Variants in RAP1GAP2 observed in about 807,000 individuals in gnomAD.
RAP1GAP2 encodes the protein RAP1 GTPase activating protein 2.
A neutral mutation model predicts 95.0 loss-of-function variants in RAP1GAP2; 27 were observed. The ratio of observed to expected loss-of-function variants is 0.28; its 90% CI spans 0.21 to 0.39. The LOEUF is 0.39. Among genes scored for constraint, RAP1GAP2 ranks in the 10% least tolerant of loss-of-function variants. RAP1GAP2 has a pLI of 1.00. For synonymous variants in RAP1GAP2, 373 were observed against 380.9 expected (o/e 0.98, Z 0.24); for missense variants, 771 against 970.0 (o/e 0.79, Z 2.72).
intron 4 of RAP1GAP2, among the ~76,000 whole-genome samples, chr17:2,960,574 G>A (rs1448415980): frequency 6.6e-6 from 1 of 152,204 alleles, no homozygotes; most frequent in African/African-American, 2.4e-5. Context: ...TACGTCACGC[G>A]CTTGGTGAGC....
intron 2 of RAP1GAP2, among the ~76,000 whole-genome samples, chr17:2,848,627 C>G (rs1211623013): frequency 1.3e-5 from 2 of 152,008 alleles, no homozygotes; most frequent in Admixed American, 1.3e-4. Context: ...AATTCTCCTT[C>G]CTCAGCCTCC....
rs535604871 is a variant in RAP1GAP2, at chr17:3,004,515, C to T, written c.1201-854C>T. ...CCCGAGAGCCTCACAGCCTCGTGGG[C>T]TGAGAATAGGTGAAGTCAGGGCACC... On this transcript the variant is annotated intron_variant, in intron 14 of 24. Coordinates refer to ENST00000254695, the MANE Select transcript of RAP1GAP2 (RefSeq NM_015085.5). This position sits in a 1 kb window ranked among gnomAD's most constrained non-coding sequence, Gnocchi z 4.1. Among the ~76,000 whole-genome samples the T allele has an allele frequency of 2.0e-5, 3 of 152,194 alleles. No individual in the cohort carries two copies. The highest frequency in any genetic ancestry group is 4.4e-5 in the Non-Finnish European group (3 of 68,026).
At chr17:2,896,469 A>C (rs1475070686) in intron 2 of RAP1GAP2, among the ~76,000 whole-genome samples, 1 of 152,016 alleles carries the variant, frequency 6.6e-6, no homozygotes, top group Non-Finnish European at 1.5e-5. Context: ...CAGCTCTCGT[A>C]TTTTCTGACT....
rs66460547 is a variant in RAP1GAP2 at position 3,035,118 on chromosome 17, T to C, written c.*1757T>C. The C allele has an allele frequency of 0.17, 26,257 of 152,480 alleles. 2,696 individuals are homozygous for C. The highest frequency in any genetic ancestry group is 0.28 in the African/African-American group (11,686 of 41,464). 9.4% of individuals were successfully genotyped at this position (152,480 alleles called of 1,614,324 possible). ...GCAAGCTGGAGAGGAGCTCTCCCTT[T>C]GCTAGTACTTTCTCTAAAGTACTAG... On this transcript the variant is annotated 3_prime_UTR_variant, in exon 25 of 25. Transcript: ENST00000254695. This position sits in a 1 kb window ranked among gnomAD's most constrained non-coding sequence, Gnocchi z 4.3.
chr17:2,957,919 T>G (rs1227893936), intron 4 of RAP1GAP2, 125 bp downstream of exon 4: 1 of 1,040,782 alleles, frequency 9.6e-7, no homozygotes, highest in East Asian at 2.8e-5. Flanking sequence ...AAGAGACAAT[T>G]GCATCCCCTT....
At chr17:2,776,348 C>T (rs1022771212), upstream of RAP1GAP2, among the ~76,000 whole-genome samples, 6 of 151,928 alleles carry the variant, frequency 3.9e-5, no homozygotes, top group Non-Finnish European at 7.4e-5. Context: ...CAGGCCTCAC[C>T]GCACCTCGGT....
intron 12 of RAP1GAP2, 136 bp downstream of exon 12, chr17:2,991,533 C>T (rs935081876): frequency 1.6e-5 from 11 of 678,064 alleles, no homozygotes; most frequent in East Asian, 2.8e-5. Flanking sequence ...AGGGTCTTGT[C>T]GCTCACTGCA....
chr17:2,829,946 C>A (rs185586180), intron 2 of RAP1GAP2, among the ~76,000 whole-genome samples: 2 of 152,054 alleles, frequency 1.3e-5, no homozygotes, highest in Non-Finnish European at 2.9e-5. Flanking sequence ...GCCACCGTAC[C>A]TGGCAGTCTC....
Position 3,026,391 on chromosome 17 carries a change from G to T in RAP1GAP2, c.1907G>T (p.Arg636Leu). The T allele has an allele frequency of 6.4e-7, 1 of 1,552,284 alleles. No homozygotes were observed. Among genetic ancestry groups the T allele is most frequent in the Non-Finnish European group, 8.7e-7 (1 of 1,147,548 alleles). ...KLKENGRAISRSSSSTSSVSS... is the reference protein window; with the variant it reads ...KLKENGRAISLSSSSTSSVSS... ...AAGGAAAACGGCCGTGCCATCTCCCGCTCCTCCTCCAGCACCAGCAGCGTC... is the reference window on the plus strand; with the variant it reads ...AAGGAAAACGGCCGTGCCATCTCCCTCTCCTCCTCCAGCACCAGCAGCGTC... Residue 636 changes from arginine (R) to leucine (L), a missense_variant, in exon 21 of 25, where the codon CGC becomes CTC. Arg to Leu is a moderately radical substitution (Grantham distance 102, BLOSUM62 -2). Coordinates refer to ENST00000254695, the MANE Select transcript of RAP1GAP2 (RefSeq NM_015085.5).
At position 2,860,076 on chromosome 17, in the gene RAP1GAP2, C is replaced by T. The variant is rs537171427; in HGVS notation, c.81-45208C>T. On this transcript the variant is annotated intron_variant, in intron 2 of 24. Transcript: ENST00000254695. ...TGTGTCCTGCCATTGCAGGCAGCCC[C>T]ATGAGCTGGCTGGACATGAGGACTG... Among the ~76,000 whole-genome samples the T allele has an allele frequency of 5.3e-5, 8 of 152,258 alleles. No individual in the cohort carries two copies. The South Asian group carries it at 1.2e-3, about 24-fold the overall frequency.
chr17:2,784,764 C>T (rs932334655), intron 1 of RAP1GAP2, among the ~76,000 whole-genome samples: 1 of 152,106 alleles, frequency 6.6e-6, no homozygotes, highest in Non-Finnish European at 1.5e-5. Context: ...CTTTTCTGTC[C>T]CAGTTTATTA....
upstream of RAP1GAP2, among the ~76,000 whole-genome samples, chr17:2,772,855 CTTTTT>C (rs773565092): frequency 7.9e-6 from 1 of 126,038 alleles, no homozygotes; most frequent in African/African-American, 2.8e-5. Flanking sequence ...TTCTTTCTTT[CTTTTT>C]TTTTTTTTTT....
intron 17 of RAP1GAP2, among the ~76,000 whole-genome samples, chr17:3,016,578 A>G (rs11078424): frequency 0.69 from 104,868 of 152,214 alleles, 36,594 homozygotes; most frequent in Non-Finnish European, 0.75. Flanking sequence ...GGCATTCCTC[A>G]GAGGCAGAGG....
At chr17:2,912,067 C>CTG (rs2042403077) in intron 3 of RAP1GAP2, among the ~76,000 whole-genome samples, 1 of 152,210 alleles carries the variant, frequency 6.6e-6, no homozygotes, top group South Asian at 2.1e-4. Flanking sequence ...ACCAGCAGAA[C>CTG]GTCTGGTTCC....
At chr17:2,882,293 ATTTT>A (rs752552125) in intron 2 of RAP1GAP2, among the ~76,000 whole-genome samples, 2 of 129,658 alleles carry the variant, frequency 1.5e-5, no homozygotes, top group Non-Finnish European at 1.6e-5. Flanking sequence ...CGCCCAGCTA[ATTTT>A]TTTTTTTTTT....
At chr17:2,795,997 CAT>C (rs916119107), upstream of RAP1GAP2, among the ~76,000 whole-genome samples, 36 of 152,276 alleles carry the variant, frequency 2.4e-4, no homozygotes, top group African/African-American at 7.2e-4. Context: ...AGTGGAATGA[CAT>C]GTGTGTGGCT....
chr17:3,018,220 G>A, intron 18 of RAP1GAP2, 22 bp downstream of exon 18: 1 of 1,542,914 alleles, frequency 6.5e-7, no homozygotes, highest in Non-Finnish European at 8.7e-7. Context: ...CAGGCCCCGG[G>A]GCGGCAAGTG....
rs1450467057 is a variant in RAP1GAP2 at position 2,904,670 on chromosome 17, CTT to C, written c.81-612_81-611del. 2.0e-5 allele frequency among the ~76,000 whole-genome samples: 3 copies of C among 151,952 alleles called. No homozygotes were observed. The highest frequency in any genetic ancestry group is 1.9e-4 in the East Asian group (1 of 5,164). The stretch of plus-strand genomic sequence containing the variant: ...TCTCTTTAGCCCCGTGGTTCTCAGA[CTT>C]TGCCGTGTAGCAGAATGACCTGGAG... On this transcript the variant is annotated intron_variant, in intron 2 of 24. Coordinates refer to ENST00000254695, the MANE Select transcript of RAP1GAP2 (RefSeq NM_015085.5). The surrounding 1 kb of genome is among the most constrained non-coding windows in gnomAD (Gnocchi z 4.7).
intron 2 of RAP1GAP2, among the ~76,000 whole-genome samples, chr17:2,891,773 C>G (rs114805318): frequency 0.011 from 1,563 of 139,690 alleles, 22 homozygotes; most frequent in African/African-American, 0.039. Flanking sequence ...TCCAGAGTTG[C>G]TGTTGAAAAG....
Sources: allele counts gnomAD v4.1 joint callset (sites outside exome capture counted in the v4.1 genomes callset), GRCh38; gene constraint gnomAD v4.1.1; non-coding constraint Gnocchi (gnomAD v3.1); transcripts MANE v1.5; gene names NCBI Gene and HGNC (gene_info 2026-07-23, HGNC 2026-07-21).